SLC24A2: variants seen among roughly 807,000 people sequenced by gnomAD.
SLC24A2 encodes the protein sodium/potassium/calcium exchanger 2.
A neutral mutation model predicts 62.0 loss-of-function variants in SLC24A2; 36 were observed. That is an observed-to-expected ratio of 0.58 (90% CI 0.44 to 0.77). SLC24A2 has a LOEUF of 0.77. Among genes scored for constraint, SLC24A2 ranks in the 30% least tolerant of loss-of-function variants. The probability of loss-of-function intolerance (pLI) is 0.00; values close to 1 mark genes in which losing one functional copy is unlikely to be tolerated. For missense variants in SLC24A2, 846 were observed against 817.9 expected (o/e 1.03, Z -0.42); for synonymous variants, 358 against 294.0 (o/e 1.22, Z -2.23).
chr9:19,876,114 G>C, the SLC24A2 span, among the ~76,000 whole-genome samples: 1 of 152,042 alleles, frequency 6.6e-6, no homozygotes, highest in Non-Finnish European at 1.5e-5. Flanking sequence ...AAATCAAAGA[G>C]CATATTAATA....
intron 1 of SLC24A2, among the ~76,000 whole-genome samples, chr9:19,788,033 A>G (rs1823226005): frequency 6.6e-6 from 1 of 152,218 alleles, no homozygotes; most frequent in African/African-American, 2.4e-5. Flanking sequence ...TTTTCTTTAA[A>G]AAGACTATTC....
chr9:20,237,437 G>A, the SLC24A2 span, among the ~76,000 whole-genome samples: 2 of 152,150 alleles, frequency 1.3e-5, no homozygotes, highest in African/African-American at 4.8e-5. Context: ...TCTGACACTA[G>A]CATTCATGCT....
At chr9:20,213,952 T>C in the SLC24A2 span, among the ~76,000 whole-genome samples, 1 of 152,218 alleles carries the variant, frequency 6.6e-6, no homozygotes, top group South Asian at 2.1e-4. Flanking sequence ...GTAAGCGGCA[T>C]CATGCAGTAT....
At chr9:19,796,015 G>GT in the SLC24A2 span, among the ~76,000 whole-genome samples, 1 of 150,118 alleles carries the variant, frequency 6.7e-6, no homozygotes, top group African/African-American at 2.4e-5. Context: ...GCAAACTATC[G>GT]TAAGGACAAA....
chr9:20,251,927 G>C, the SLC24A2 span, among the ~76,000 whole-genome samples: 1 of 152,330 alleles, frequency 6.6e-6, no homozygotes, highest in Middle Eastern at 3.4e-3. Flanking sequence ...GCCTGCCTCT[G>C]TATCCTTACT....
the SLC24A2 span, among the ~76,000 whole-genome samples, chr9:20,076,208 C>T: frequency 2.0e-5 from 3 of 151,920 alleles, no homozygotes; most frequent in African/African-American, 4.8e-5. Context: ...GCAAAAGAGT[C>T]AAAGCAAAAA....
At chr9:20,080,400 G>A in the SLC24A2 span, among the ~76,000 whole-genome samples, 1 of 152,158 alleles carries the variant, frequency 6.6e-6, no homozygotes, top group Non-Finnish European at 1.5e-5. Context: ...TTAATAAATG[G>A]TGCTGGGAAA....
At chr9:20,048,011 G>A in the SLC24A2 span, among the ~76,000 whole-genome samples, 10,047 of 152,098 alleles carry the variant, frequency 0.066, 492 homozygotes, top group African/African-American at 0.13. Flanking sequence ...GGATCACATG[G>A]CATATACACA....
At chr9:20,258,693 A>T in the SLC24A2 span, among the ~76,000 whole-genome samples, 2 of 152,144 alleles carry the variant, frequency 1.3e-5, no homozygotes, top group African/African-American at 4.8e-5. Context: ...GCCAGCTTGC[A>T]GATGGTCTGT....
the SLC24A2 span, among the ~76,000 whole-genome samples, chr9:19,811,482 C>G: frequency 6.6e-6 from 1 of 151,994 alleles, no homozygotes; most frequent in African/African-American, 2.4e-5. Context: ...TTTGACTTAC[C>G]TATTTTTCTA....
the SLC24A2 span, among the ~76,000 whole-genome samples, chr9:19,852,767 G>A: frequency 6.6e-6 from 1 of 152,026 alleles, no homozygotes; most frequent in Admixed American, 6.6e-5. Flanking sequence ...CTCCAGCTTT[G>A]TTATTTTTGC....
At chr9:19,557,829 G>A (rs887917749) in intron 7 of SLC24A2, among the ~76,000 whole-genome samples, 1 of 71,628 alleles carries the variant, frequency 1.4e-5, no homozygotes. Context: ...TTTTTTTTTT[G>A]AGACAGGGTC....
At chr9:20,278,008 T>A in the SLC24A2 span, among the ~76,000 whole-genome samples, 3 of 152,090 alleles carry the variant, frequency 2.0e-5, no homozygotes, top group Non-Finnish European at 4.4e-5. Flanking sequence ...ACTCTCCATG[T>A]TCTCACTCAT....
the SLC24A2 span, among the ~76,000 whole-genome samples, chr9:20,078,573 C>A: frequency 6.6e-6 from 1 of 152,296 alleles, no homozygotes; most frequent in South Asian, 2.1e-4. Context: ...AAAGCCACAA[C>A]AATCCCACCC....
At chr9:19,560,119 G>GCTGAGGA (rs1174491769) in intron 7 of SLC24A2, among the ~76,000 whole-genome samples, 2 of 152,174 alleles carry the variant, frequency 1.3e-5, no homozygotes, top group Non-Finnish European at 2.9e-5. Context: ...GGGCTCTAAG[G>GCTGAGGA]CTGAGGATAA....
the SLC24A2 span, among the ~76,000 whole-genome samples, chr9:20,038,750 T>C: frequency 3.8e-3 from 579 of 152,240 alleles, 3 homozygotes; most frequent in African/African-American, 0.013. Context: ...AAAAACAGAT[T>C]GTTACAGATT....
the SLC24A2 span, among the ~76,000 whole-genome samples, chr9:19,951,738 G>A: frequency 6.6e-6 from 1 of 151,970 alleles, no homozygotes; most frequent in Non-Finnish European, 1.5e-5. Context: ...GGATTATTGT[G>A]GCTTTGTAAA....
intron 2 of SLC24A2, among the ~76,000 whole-genome samples, chr9:19,659,674 A>G (rs1819040517): frequency 6.6e-6 from 1 of 152,134 alleles, no homozygotes; most frequent in Non-Finnish European, 1.5e-5. Flanking sequence ...TGCAGACTGT[A>G]TTTTTAACAC....
At chr9:20,089,315 C>T in the SLC24A2 span, among the ~76,000 whole-genome samples, 1 of 152,102 alleles carries the variant, frequency 6.6e-6, no homozygotes, top group Non-Finnish European at 1.5e-5. Context: ...GGCTATCCAA[C>T]CTGGGACTCC....
Sources: allele counts gnomAD v4.1 joint callset (sites outside exome capture counted in the v4.1 genomes callset), GRCh38; gene constraint gnomAD v4.1.1; transcripts MANE v1.5; gene names NCBI Gene and HGNC (gene_info 2026-07-23, HGNC 2026-07-21).